REXO5: variants seen among roughly 807,000 people sequenced by gnomAD.
REXO5 encodes exonuclease NEF-sp.
REXO5 carries 48 observed loss-of-function variants against 88.5 expected under a neutral mutation model. The ratio of observed to expected loss-of-function variants is 0.54; its 90% confidence interval spans 0.43 to 0.69. The LOEUF (loss-of-function observed/expected upper bound fraction) is 0.69. REXO5 is among the 30% of genes least tolerant of loss of function. The pLI is 0.00. For synonymous variants in REXO5, 311 were observed against 336.5 expected (o/e 0.92, Z 0.83); for missense variants, 749 against 912.2 (o/e 0.82, Z 2.30).
At chr16:20,821,653 T>C in intron 5 of REXO5, 109 bp from the exon 6 acceptor site, 1 of 1,052,010 alleles carries the variant, frequency 9.5e-7, no homozygotes, top group Non-Finnish European at 1.3e-6. Flanking sequence ...GGCTGAGTTT[T>C]ATACATCTTT....
In REXO5 at chr16:20,842,478, G is replaced by GTTTTTT. The variant is rs201370873; in HGVS notation, c.1627-1453_1627-1452insTTTTTT. On this transcript the variant is annotated intron_variant, in intron 15 of 19. Coordinates refer to ENST00000261377, the MANE Select transcript of REXO5 (RefSeq NM_030941.3). ...GTTTCTTGTTTCTACCCTTTGTTTT[G>GTTTTTT]TTTGTTTTTTTTTTTTTTGAGATAG... is the stretch of plus-strand genomic sequence containing the variant. Among the ~76,000 whole-genome samples, 16 of 133,056 alleles carry GTTTTTT rather than the reference G, an allele frequency of 1.2e-4. 2 individuals carry two copies. The highest frequency in any genetic ancestry group is 2.4e-4 in the South Asian group (1 of 4,142). The allele number at this position is 133,056 out of a possible 152,430, so 87.3% of individuals were successfully genotyped here. A position where few individuals can be genotyped will look rare whatever the true frequency, so the allele number is the denominator to read the frequency against.
In REXO5 at chr16:20,817,360, C is replaced by A. The variant is rs532650960; in HGVS notation, c.475+1148C>A. On this transcript the variant is annotated intron_variant, in intron 5 of 19. Transcript: ENST00000261377. ...ATCACAGAGTAATCATTATGAGATT[C>A]TAGGTTCAAGTAAAAGCATCACGTT... is the stretch of plus-strand genomic sequence containing the variant. Among the ~76,000 whole-genome samples, 172 of 151,968 alleles carry A rather than the reference C, an allele frequency of 1.1e-3. 1 individual carries two copies. Among genetic ancestry groups the A allele is most frequent in the Non-Finnish European group, 7.6e-4 (52 of 68,010 alleles).
intron 15 of REXO5, among the ~76,000 whole-genome samples, chr16:20,841,077 T>G (rs756885523): frequency 1.3e-5 from 2 of 152,222 alleles, no homozygotes; most frequent in Non-Finnish European, 2.9e-5. Context: ...GGAGGGCTTT[T>G]GTTGTTATTG....
chr16:20,807,204 C>G, intron 2 of REXO5, 113 bp downstream of exon 2: 2 of 1,204,886 alleles, frequency 1.7e-6, no homozygotes, highest in Non-Finnish European at 2.3e-6. Context: ...CCTGGCCTCT[C>G]CGAACCTGAT....
chr16:20,833,969 G>T (rs1329557051), intron 13 of REXO5, among the ~76,000 whole-genome samples: 1 of 151,988 alleles, frequency 6.6e-6, no homozygotes, highest in East Asian at 1.9e-4. Context: ...TCATTTCTAG[G>T]GTCATGTATT....
At chr16:20,808,280 T>G (rs1044542846) in intron 2 of REXO5, among the ~76,000 whole-genome samples, 3 of 152,246 alleles carry the variant, frequency 2.0e-5, no homozygotes, top group African/African-American at 7.2e-5. Flanking sequence ...TACCATTTAC[T>G]GAGAACTAAA....
chr16:20,848,195 T>A (rs2081639746), intron 19 of REXO5, among the ~76,000 whole-genome samples: 1 of 152,124 alleles, frequency 6.6e-6, no homozygotes. Flanking sequence ...CTGGGCCTTG[T>A]TTGTGCAGTT....
chr16:20,847,339 G>A (rs1168069594), intron 19 of REXO5, among the ~76,000 whole-genome samples: 1 of 151,690 alleles, frequency 6.6e-6, no homozygotes. Context: ...GGGAGGCTGA[G>A]GCACGAGAAT....
rs1420648476 is a variant in REXO5, at chr16:20,806,670, G to A, written c.-38G>A. The A allele has an allele frequency of 4.6e-6, 5 of 1,085,206 alleles. No homozygotes were observed. Among genetic ancestry groups the A allele is most frequent in the African/African-American group, 1.6e-5 (1 of 62,944 alleles). 67.2% of individuals were successfully genotyped at this position (1,085,206 alleles called of 1,614,324 possible). ...CACCTTCCTTCTTTGCCAGGCAGAC[G>A]CCCGTTGTAGCCGTTGGGGAACCGT... On this transcript the variant is annotated 5_prime_UTR_variant, in exon 1 of 20. Coordinates refer to ENST00000261377, the MANE Select transcript of REXO5 (RefSeq NM_030941.3).
At chr16:20,820,122 G>A (rs897050793) in intron 5 of REXO5, among the ~76,000 whole-genome samples, 2 of 152,084 alleles carry the variant, frequency 1.3e-5, no homozygotes, top group Non-Finnish European at 2.9e-5. Context: ...CATCACTTCC[G>A]TTCTCAGGAG....
rs2081495415 is a variant in REXO5, at chr16:20,839,694, T to C, written c.1384-61T>C. On this transcript the variant is annotated intron_variant, in intron 13 of 19. Transcript: ENST00000261377. ...ACTGTTTATATTATTGTGGCTCATA[T>C]CCAGGAGCCACAATAGAGTATGAGG... 5.6e-6 allele frequency: 6 copies of C among 1,073,642 alleles called. No individual in the cohort carries two copies. The Admixed American group carries it at 6.6e-5, about 12-fold the overall frequency. The allele number at this position is 1,073,642 out of a possible 1,614,324, so 66.5% of individuals were successfully genotyped here. A position where few individuals can be genotyped will look rare whatever the true frequency, so the allele number is the denominator to read the frequency against.
Position 20,821,820 on chromosome 16 carries a change from A to G in REXO5, c.534A>G (p.Gln178=). Residue 178 remains glutamine, a synonymous_variant, in exon 6 of 20, where the codon CAA becomes CAG. Coordinates refer to ENST00000261377, the MANE Select transcript of REXO5 (RefSeq NM_030941.3). ...AINLQDDPII[Q]KYGSKKVGLT... is the part of the protein sequence containing the mutation. ...ACCTTCAGGATGATCCCATCATTCA[A>G]AAGTATGGCTCTAAGAAAGTGGGCT... 6.2e-7 allele frequency: 1 copy of G among 1,608,806 alleles called. No homozygotes were observed. Among genetic ancestry groups the G allele is most frequent in the African/African-American group, 1.3e-5 (1 of 74,708 alleles).
chr16:20,810,089 C>T (rs1447401396), intron 2 of REXO5, among the ~76,000 whole-genome samples: 2 of 152,298 alleles, frequency 1.3e-5, no homozygotes, highest in Non-Finnish European at 1.5e-5. Flanking sequence ...GAAGATATTC[C>T]AGGCTCATAT....
chr16:20,822,686 T>C (rs1327555369), intron 6 of REXO5, among the ~76,000 whole-genome samples: 1 of 152,232 alleles, frequency 6.6e-6, no homozygotes, highest in Non-Finnish European at 1.5e-5. Flanking sequence ...TGTGACTGGC[T>C]TCTTTAACTT....
In REXO5 at chr16:20,833,708, C is replaced by A. The variant is rs193079143; in HGVS notation, c.1383+585C>A. 7.2e-5 allele frequency among the ~76,000 whole-genome samples: 11 copies of A among 152,300 alleles called. No homozygotes were observed. The East Asian group carries it at 1.7e-3, about 24-fold the overall frequency. On this transcript the variant is annotated intron_variant, in intron 13 of 19. Transcript: ENST00000261377. ...ATGCTCTCTCATGTACACACTCTCTCTTTCTTCCTCTCTGTATGGCATTTC... is the reference window on the plus strand; with the variant it reads ...ATGCTCTCTCATGTACACACTCTCTATTTCTTCCTCTCTGTATGGCATTTC...
intron 3 of REXO5, among the ~76,000 whole-genome samples, chr16:20,814,222 TG>T (rs1375993573): frequency 6.6e-6 from 1 of 151,234 alleles, no homozygotes; most frequent in Non-Finnish European, 1.5e-5. Flanking sequence ...TTTACAAAAA[TG>T]GGTGGAGCAG....
intron 2 of REXO5, among the ~76,000 whole-genome samples, chr16:20,812,319 C>T (rs1170551147): frequency 3.3e-5 from 5 of 151,920 alleles, no homozygotes; most frequent in African/African-American, 9.7e-5. Flanking sequence ...CTCAGGAGCT[C>T]GAGACCAGCC....
chr16:20,821,692 C>T, intron 5 of REXO5, 70 bp from the exon 6 acceptor site: 3 of 1,434,490 alleles, frequency 2.1e-6, no homozygotes, highest in Non-Finnish European at 2.8e-6. Flanking sequence ...GCCTATACAA[C>T]CTTAGGAGAC....
intron 11 of REXO5, among the ~76,000 whole-genome samples, chr16:20,829,184 G>A (rs971274490): frequency 1.3e-5 from 2 of 152,046 alleles, no homozygotes; most frequent in Non-Finnish European, 2.9e-5. Context: ...TATAATATGG[G>A]AATACACACT....
Sources: gnomAD v4.1 joint callset for allele counts (sites outside exome capture counted in the v4.1 genomes callset) on GRCh38, gnomAD v4.1.1 for gene constraint, MANE v1.5 for transcripts, NCBI Gene and HGNC (gene_info 2026-07-23, HGNC 2026-07-21) for gene names.